Variants in SULT1E1 observed in about 807,000 individuals in gnomAD.
SULT1E1 encodes sulfotransferase 1E1.
In SULT1E1, 36 loss-of-function variants were observed where a neutral mutation model predicts 33.6. The observed-to-expected ratio is 1.07, with a 90% CI of 0.82 to 1.41. SULT1E1 has a LOEUF of 1.41. Among genes scored for constraint, SULT1E1 ranks in the 40% most tolerant of loss-of-function variants. SULT1E1 has a pLI of 0.00. For missense variants in SULT1E1, 371 were observed against 345.7 expected (o/e 1.07, Z -0.58); for synonymous variants, 121 against 111.7 (o/e 1.08, Z -0.53).
the SULT1E1 span, among the ~76,000 whole-genome samples, chr4:69,822,697 C>G: frequency 6.6e-6 from 1 of 152,124 alleles, no homozygotes; most frequent in South Asian, 2.1e-4. Context: ...TTTTATTCAT[C>G]CCCATCTTGT....
At chr4:69,850,787 A>G (rs1721084713) in intron 4 of SULT1E1, among the ~76,000 whole-genome samples, 1 of 151,900 alleles carries the variant, frequency 6.6e-6, no homozygotes, top group Admixed American at 6.6e-5. Flanking sequence ...CTGGTCCTCC[A>G]TGAGGCTTTT....
the SULT1E1 span, among the ~76,000 whole-genome samples, chr4:69,834,558 C>T: frequency 6.6e-6 from 1 of 152,088 alleles, no homozygotes; most frequent in African/African-American, 2.4e-5. Context: ...ACTGCTTTAT[C>T]CATTTCTTCT....
the SULT1E1 span, among the ~76,000 whole-genome samples, chr4:69,822,978 A>G: frequency 6.6e-6 from 1 of 152,232 alleles, no homozygotes; most frequent in East Asian, 1.9e-4. Flanking sequence ...GAGTATATCC[A>G]TAATTCCCTG....
intron 6 of SULT1E1, among the ~76,000 whole-genome samples, chr4:69,845,169 T>C (rs1158505825): frequency 1.4e-4 from 21 of 152,126 alleles, no homozygotes; most frequent in African/African-American, 4.8e-4. Flanking sequence ...AAAAGAGAAG[T>C]GGGGATAGTT....
downstream of SULT1E1, among the ~76,000 whole-genome samples, chr4:69,837,102 T>A (rs1190584873): frequency 6.8e-6 from 1 of 147,880 alleles, no homozygotes; most frequent in Non-Finnish European, 1.5e-5. Context: ...AAAAAAAAAA[T>A]GTAGGTAGGG....
At chr4:69,847,592 G>A (rs1369537939) in intron 6 of SULT1E1, 106 bp downstream of exon 6, 2 of 646,088 alleles carry the variant, frequency 3.1e-6, no homozygotes, top group African/African-American at 3.8e-5. Context: ...AAATTTACGA[G>A]ATGGCTGTCA....
At chr4:69,834,033 C>T in the SULT1E1 span, among the ~76,000 whole-genome samples, 1 of 152,084 alleles carries the variant, frequency 6.6e-6, no homozygotes, top group Admixed American at 6.5e-5. Context: ...GGTTTTCCTC[C>T]TTTATCTTGA....
At chr4:69,844,988 T>C (rs1007824949) in intron 6 of SULT1E1, among the ~76,000 whole-genome samples, 9 of 152,112 alleles carry the variant, frequency 5.9e-5, no homozygotes, top group Non-Finnish European at 4.4e-5. Flanking sequence ...GCTCAATAAA[T>C]TGTAGTTTGC....
downstream of SULT1E1, among the ~76,000 whole-genome samples, chr4:69,837,719 T>C (rs981550423): frequency 6.6e-6 from 1 of 152,144 alleles, no homozygotes; most frequent in Non-Finnish European, 1.5e-5. Flanking sequence ...ATAGTAGAGA[T>C]GGGGTCTCAC....
At chr4:69,834,007 T>G in the SULT1E1 span, among the ~76,000 whole-genome samples, 16 of 152,230 alleles carry the variant, frequency 1.1e-4, no homozygotes, top group Admixed American at 1.0e-3. Context: ...TAGCTTTAGT[T>G]GTACCAGTTT....
intron 3 of SULT1E1, 42 bp from the exon 4 acceptor site, chr4:69,854,356 G>T (rs1222100371): frequency 3.1e-6 from 4 of 1,296,680 alleles, no homozygotes; most frequent in African/African-American, 1.5e-5. Flanking sequence ...TTCAAAAATT[G>T]TAACTATTTA....
At chr4:69,856,101 G>C (rs1366816967) in intron 2 of SULT1E1, among the ~76,000 whole-genome samples, 1 of 152,118 alleles carries the variant, frequency 6.6e-6, no homozygotes, top group African/African-American at 2.4e-5. Flanking sequence ...CTTGTGGGAG[G>C]TAAGAAACAG....
At chr4:69,844,130 C>T (rs747015999) in intron 7 of SULT1E1, 31 bp downstream of exon 7, 2 of 1,609,882 alleles carry the variant, frequency 1.2e-6, no homozygotes, top group African/African-American at 1.3e-5. Context: ...GTGACTTCCT[C>T]TAGTATCGAG....
At chr4:69,829,194 T>A in the SULT1E1 span, among the ~76,000 whole-genome samples, 1 of 152,194 alleles carries the variant, frequency 6.6e-6, no homozygotes, top group African/African-American at 2.4e-5. Flanking sequence ...TATAGCTTGG[T>A]TTACCGCATG....
At chr4:69,853,956 T>C (rs1721178437) in intron 4 of SULT1E1, among the ~76,000 whole-genome samples, 1 of 152,164 alleles carries the variant, frequency 6.6e-6, no homozygotes, top group Non-Finnish European at 1.5e-5. Context: ...ATGAAAAAGA[T>C]GTTATTATTA....
chr4:69,830,018 C>T, the SULT1E1 span, among the ~76,000 whole-genome samples: 25 of 152,204 alleles, frequency 1.6e-4, no homozygotes, highest in African/African-American at 3.6e-4. Flanking sequence ...CCTTCCCATA[C>T]GATGGCCCAG....
chr4:69,843,647 G>T (rs1004003195), intron 7 of SULT1E1, among the ~76,000 whole-genome samples: 6 of 152,092 alleles, frequency 3.9e-5, no homozygotes, highest in African/African-American at 1.4e-4. Context: ...CCCCCAAATA[G>T]AATTTTTTTC....
chr4:69,830,471 T>C, the SULT1E1 span, among the ~76,000 whole-genome samples: 1 of 152,246 alleles, frequency 6.6e-6, no homozygotes, highest in East Asian at 1.9e-4. Flanking sequence ...TTCGTAAAAC[T>C]GGCTTGGTCT....
chr4:69,860,134 A>C lies in SULT1E1; in HGVS notation c.-95T>G, dbSNP rs1364313933. ...AGATCTTAAGCTGCAAAAAAAGATGAGAACCACTTCTGCATTTGGAATGTT... is the reference window on the plus strand; with the variant it reads ...AGATCTTAAGCTGCAAAAAAAGATGCGAACCACTTCTGCATTTGGAATGTT... On this transcript the variant is annotated 5_prime_UTR_variant, in exon 1 of 8. Transcript: ENST00000226444. 1 of 152,150 alleles carries C rather than the reference A, an allele frequency of 6.6e-6. No individual in the cohort carries two copies. Among genetic ancestry groups the C allele is most frequent in the Non-Finnish European group, 1.5e-5 (1 of 67,992 alleles). The allele number at this position is 152,150 out of a possible 1,614,324, so 9.4% of individuals were successfully genotyped here.
Sources: allele counts gnomAD v4.1 joint callset (sites outside exome capture counted in the v4.1 genomes callset), GRCh38; gene constraint gnomAD v4.1.1; transcripts MANE v1.5; gene names NCBI Gene and HGNC (gene_info 2026-07-23, HGNC 2026-07-21).